Variants in DOCK11 observed in about 807,000 individuals in gnomAD.
DOCK11 encodes dedicator of cytokinesis protein 11.
A neutral mutation model predicts 169.1 loss-of-function variants in DOCK11; 70 were observed. That is an observed-to-expected ratio of 0.41 (90% CI 0.34 to 0.51). DOCK11 has a LOEUF of 0.51. DOCK11 is among the 20% of genes least tolerant of loss of function. The pLI is 0.10. For synonymous variants in DOCK11, 529 were observed against 541.3 expected (o/e 0.98, Z 0.32); for missense variants, 1,166 against 1,538.8 (o/e 0.76, Z 4.05).
intron 45 of DOCK11, among the ~76,000 whole-genome samples, chrX:118,666,269 A>C (rs943225207): frequency 1.8e-5 from 2 of 112,092 alleles, no homozygotes; most frequent in Non-Finnish European, 3.8e-5. Context: ...AAATAAAAAT[A>C]AAAATGATAT....
chrX:118,580,564 G>A (rs142728937), intron 14 of DOCK11, among the ~76,000 whole-genome samples: 2,063 of 111,836 alleles, frequency 0.018, 48 homozygotes, highest in East Asian at 0.11. Flanking sequence ...CGATCCACCC[G>A]CCTCGGCCTC....
chrX:118,580,049 A>G, intron 13 of DOCK11, 48 bp from the exon 14 acceptor site: 1 of 1,105,423 alleles, frequency 9.0e-7, no homozygotes, highest in Non-Finnish European at 1.2e-6. Context: ...GGGTGGGTCC[A>G]TGGCAGTTTG....
rs531718972 is a variant in DOCK11 at position 118,672,588 on chromosome X, G to A, written c.5199+1443G>A. On this transcript the variant is annotated intron_variant, in intron 46 of 52. Transcript: ENST00000276202. Reference sequence around the variant, plus strand: ...GCTGGGATTACAGGCGCCCGCCACCGCGCCCGACTAATATTTTTTTGTATT... The same window carrying A: ...GCTGGGATTACAGGCGCCCGCCACCACGCCCGACTAATATTTTTTTGTATT... 7.6e-4 allele frequency among the ~76,000 whole-genome samples: 85 copies of A among 111,865 alleles called. 1 individual carries two copies. Among genetic ancestry groups the A allele is most frequent in the Middle Eastern group, 9.5e-3 (2 of 211 alleles).
intron 36 of DOCK11, among the ~76,000 whole-genome samples, chrX:118,636,952 A>G (rs1198702074): frequency 8.9e-6 from 1 of 112,093 alleles, no homozygotes; most frequent in Non-Finnish European, 1.9e-5. Flanking sequence ...AGCTATTTTT[A>G]TATGATTATT....
chrX:118,592,927 G>GT (rs1212794976), intron 19 of DOCK11, among the ~76,000 whole-genome samples: 5 of 112,622 alleles, frequency 4.4e-5, no homozygotes, highest in African/African-American at 1.6e-4. Flanking sequence ...TGATGATGTA[G>GT]TTTTGACTTA....
At chrX:118,652,621 C>T (rs2015971892) in intron 42 of DOCK11, among the ~76,000 whole-genome samples, 1 of 111,759 alleles carries the variant, frequency 8.9e-6, no homozygotes, top group South Asian at 3.7e-4. Context: ...GAGGCCAAAC[C>T]CAAGACTCTG....
chrX:118,625,769 T>G (rs1244067715), intron 32 of DOCK11, among the ~76,000 whole-genome samples: 1 of 111,914 alleles, frequency 8.9e-6, no homozygotes, highest in Non-Finnish European at 1.9e-5. Flanking sequence ...TCTTTTAGTT[T>G]ATCACAATTG....
intron 42 of DOCK11, among the ~76,000 whole-genome samples, chrX:118,653,388 G>A (rs905263577): frequency 9.0e-6 from 1 of 110,868 alleles, no homozygotes; most frequent in Admixed American, 9.7e-5. Flanking sequence ...GTCAAAGCCA[G>A]GTAGGTATTT....
At position 118,520,584 on chromosome X, in the gene DOCK11, A is replaced by T. The variant is rs370117784; in HGVS notation, c.103-22141A>T. On this transcript the variant is annotated intron_variant, in intron 1 of 52. Transcript: ENST00000276202. ...GTACTTCTTAAAACCCATGTCCTTG[A>T]TAATACAAGATGGAGCTGTGGAGGG... is the stretch of plus-strand genomic sequence containing the variant. Among the ~76,000 whole-genome samples the T allele has an allele frequency of 1.3e-4, 15 of 111,943 alleles. 1 individual carries two copies. Among genetic ancestry groups the T allele is most frequent in the East Asian group, 8.4e-4 (3 of 3,576 alleles).
intron 14 of DOCK11, among the ~76,000 whole-genome samples, chrX:118,583,569 G>T (rs921813342): frequency 4.5e-5 from 5 of 110,820 alleles, no homozygotes; most frequent in African/African-American, 1.6e-4. Flanking sequence ...TTGGGTGCGT[G>T]TATATTGTTT....
chrX:118,670,330 G>T (rs914891417), intron 45 of DOCK11, among the ~76,000 whole-genome samples: 3 of 111,773 alleles, frequency 2.7e-5, no homozygotes, highest in African/African-American at 9.8e-5. Context: ...GGTAGCATCA[G>T]TAATTGGCTT....
chrX:118,543,399 G>A, intron 3 of DOCK11, 112 bp from the exon 4 acceptor site: 2 of 574,942 alleles, frequency 3.5e-6, no homozygotes, highest in Non-Finnish European at 5.6e-6. Flanking sequence ...CCCAGTACTA[G>A]TAATTGCCAA....
chrX:118,545,634 C>T (rs1446119158), intron 5 of DOCK11, among the ~76,000 whole-genome samples: 5 of 111,207 alleles, frequency 4.5e-5, no homozygotes, highest in African/African-American at 1.6e-4. Flanking sequence ...ACATGTTCCC[C>T]CACCTGTGGG....
intron 45 of DOCK11, among the ~76,000 whole-genome samples, chrX:118,665,599 GT>G (rs2016321508): frequency 8.9e-6 from 1 of 112,022 alleles, no homozygotes; most frequent in Non-Finnish European, 1.9e-5. Flanking sequence ...AAACACATTT[GT>G]TGGAAATCTT....
chrX:118,682,002 A>G (rs1253630166), intron 51 of DOCK11, among the ~76,000 whole-genome samples: 1 of 111,795 alleles, frequency 8.9e-6, no homozygotes, highest in Admixed American at 9.6e-5. Flanking sequence ...TACCCTAGTG[A>G]CCCAAGAGAT....
intron 36 of DOCK11, among the ~76,000 whole-genome samples, chrX:118,636,924 G>A (rs1422707286): frequency 1.8e-5 from 2 of 111,652 alleles, no homozygotes; most frequent in Non-Finnish European, 3.8e-5. Flanking sequence ...ATGGGAAGTT[G>A]TCCTATATTT....
At chrX:118,580,713 A>G (rs2013605450) in intron 14 of DOCK11, among the ~76,000 whole-genome samples, 1 of 110,725 alleles carries the variant, frequency 9.0e-6, no homozygotes. Flanking sequence ...GGCTTTGGTT[A>G]CTGCTCTGAC....
chrX:118,573,072 A>T (rs779811487), intron 11 of DOCK11, among the ~76,000 whole-genome samples: 1 of 112,540 alleles, frequency 8.9e-6, no homozygotes, highest in African/African-American at 3.2e-5. Context: ...CTCATGGATC[A>T]TTTGAGTTGC....
intron 40 of DOCK11, among the ~76,000 whole-genome samples, chrX:118,647,661 A>G (rs1227546260): frequency 1.6e-3 from 87 of 55,430 alleles, no homozygotes; most frequent in African/African-American, 6.6e-3. Context: ...TATATATTAT[A>G]TATTAATAAT....
Sources: gnomAD v4.1 joint callset for allele counts (sites outside exome capture counted in the v4.1 genomes callset) on GRCh38, gnomAD v4.1.1 for gene constraint, MANE v1.5 for transcripts, NCBI Gene and HGNC (gene_info 2026-07-23, HGNC 2026-07-21) for gene names.